DTHD1: variants seen among roughly 807,000 people sequenced by gnomAD.
The protein encoded by DTHD1 is death domain containing 1, also known as death domain-containing protein 1.
A neutral mutation model predicts 74.8 loss-of-function variants in DTHD1; 59 were observed. The observed-to-expected ratio is 0.79, with a 90% CI of 0.64 to 0.98. The LOEUF is 0.98. Among genes scored for constraint, DTHD1 ranks in the 50% least tolerant of loss-of-function variants. The pLI is 0.00. For synonymous variants in DTHD1, 365 were observed against 371.1 expected (o/e 0.98, Z 0.19); for missense variants, 1,051 against 1,065.4 (o/e 0.99, Z 0.19).
intron 9 of DTHD1, among the ~76,000 whole-genome samples, chr4:36,340,065 G>A (rs1434820723): frequency 6.6e-6 from 1 of 152,170 alleles, no homozygotes; most frequent in East Asian, 1.9e-4. Flanking sequence ...AAAGGTAGAA[G>A]GATCCTTCTT....
intron 8 of DTHD1, among the ~76,000 whole-genome samples, chr4:36,338,511 T>C (rs6824851): frequency 0.11 from 16,779 of 151,500 alleles, 2,131 homozygotes; most frequent in African/African-American, 0.31. Flanking sequence ...GCAATGCTAC[T>C]CAACCACTGG....
intron 2 of DTHD1, among the ~76,000 whole-genome samples, chr4:36,289,542 T>C (rs998994301): frequency 1.3e-5 from 2 of 152,174 alleles, no homozygotes; most frequent in South Asian, 2.1e-4. Flanking sequence ...TCAGTGTTTT[T>C]ATCTGTAAAA....
chr4:36,282,512 G>A (rs1170529072), intron 1 of DTHD1, among the ~76,000 whole-genome samples: 1 of 152,082 alleles, frequency 6.6e-6, no homozygotes, highest in African/African-American at 2.4e-5. Flanking sequence ...AAAATTACTG[G>A]GAAGACTGGA....
intron 7 of DTHD1, among the ~76,000 whole-genome samples, chr4:36,314,879 C>A (rs977349510): frequency 6.7e-6 from 1 of 148,930 alleles, no homozygotes; most frequent in Admixed American, 6.8e-5. Context: ...ATTATTTTAT[C>A]CAAATTTTCT....
chr4:36,335,181 A>G (rs888414430), intron 8 of DTHD1, among the ~76,000 whole-genome samples: 3 of 152,326 alleles, frequency 2.0e-5, no homozygotes, highest in South Asian at 2.1e-4. Context: ...GAAGGGGCGT[A>G]TCATTTAAAT....
chr4:36,314,747 GTTTTTT>G (rs747523259), intron 7 of DTHD1, among the ~76,000 whole-genome samples: 26 of 98,008 alleles, frequency 2.7e-4, no homozygotes, highest in Non-Finnish European at 3.6e-4. Context: ...AACAATCTGA[GTTTTTT>G]TTTTTTTTTT....
intron 5 of DTHD1, among the ~76,000 whole-genome samples, chr4:36,304,167 A>G (rs1006338434): frequency 1.3e-5 from 2 of 152,198 alleles, no homozygotes; most frequent in African/African-American, 2.4e-5. Flanking sequence ...GGTCTCCACA[A>G]ATACTTTAGG....
chr4:36,290,678 T>C lies in DTHD1; in HGVS notation c.1193T>C (p.Leu398Pro). Residue 398 changes from leucine to proline, a missense_variant, in exon 3 of 10, where the codon CTA becomes CCA. Leu to Pro is a moderately conservative substitution (Grantham distance 98). Transcript: ENST00000639862. Reference protein sequence around the residue: ...LQSSYLNPNSLEGMKGGYKGT... With the variant: ...LQSSYLNPNSPEGMKGGYKGT... ...TCAAGTTACCTAAACCCAAATTCAC[T>C]AGAAGGAATGAAGGGAGGTTATAAG... is the stretch of plus-strand genomic sequence containing the variant. 1 of 1,542,502 alleles carries C rather than the reference T, an allele frequency of 6.5e-7. No individual in the cohort carries two copies. Among genetic ancestry groups the C allele is most frequent in the African/African-American group, 1.4e-5 (1 of 73,122 alleles).
chr4:36,304,798 A>G (rs1225713363), intron 5 of DTHD1, among the ~76,000 whole-genome samples: 1 of 152,176 alleles, frequency 6.6e-6, no homozygotes, highest in Admixed American at 6.5e-5. Context: ...CTCTAGGACT[A>G]TGTGGATCCT....
In DTHD1 at chr4:36,343,610, T is replaced by C; in HGVS notation, c.2507T>C (p.Ile836Thr). 1 of 1,551,856 alleles carries C rather than the reference T, an allele frequency of 6.4e-7. No homozygotes were observed. Among genetic ancestry groups the C allele is most frequent in the Non-Finnish European group, 8.7e-7 (1 of 1,146,962 alleles). Residue 836 changes from isoleucine (I) to threonine (T), a missense_variant, in exon 10 of 10, where the codon ATC becomes ACC. Ile to Thr is a moderately conservative substitution (Grantham distance 89, BLOSUM62 -1). Coordinates refer to ENST00000639862, the MANE Select transcript of DTHD1 (RefSeq NM_001170700.3). ...LPLRRSTIQLIKLKNPDDLTE... is the reference protein window; with the variant it reads ...LPLRRSTIQLTKLKNPDDLTE... ...CTGCGCCGTAGCACCATTCAGCTCA[T>C]CAAACTCAAGAACCCTGATGATCTC...
At position 36,346,896 on chromosome 4, in the gene DTHD1, T is replaced by G. The variant is rs1759615871; in HGVS notation, c.*3072T>G. ...GTCTCTTCAAGTCTAAGGGTGGTAA[T>G]AGCTCTCTTGTTGTTTGGAGTAACT... On this transcript the variant is annotated 3_prime_UTR_variant, in exon 10 of 10. Coordinates refer to ENST00000639862, the MANE Select transcript of DTHD1 (RefSeq NM_001170700.3). Among the ~76,000 whole-genome samples, 1 of 152,108 alleles carries G rather than the reference T, an allele frequency of 6.6e-6. No individual in the cohort carries two copies. The highest frequency in any genetic ancestry group is 2.4e-5 in the African/African-American group (1 of 41,416).
chr4:36,284,731 C>T (rs1755604397), intron 2 of DTHD1, 140 bp downstream of exon 2: 1 of 744,080 alleles, frequency 1.3e-6, no homozygotes, highest in Non-Finnish European at 2.0e-6. Flanking sequence ...AGATATTTAT[C>T]TCTCACAGTT....
chr4:36,327,924 A>G (rs1421310063), intron 8 of DTHD1, among the ~76,000 whole-genome samples: 1 of 152,156 alleles, frequency 6.6e-6, no homozygotes, highest in African/African-American at 2.4e-5. Context: ...AGGGGCCTAA[A>G]GCTGTCTTCT....
Position 36,294,925 on chromosome 4 carries a change from C to CT in DTHD1, c.1532dup (p.Leu511PhefsTer10). On this transcript the variant is annotated frameshift_variant, in exon 5 of 10. Transcript: ENST00000639862. LOFTEE classifies it high-confidence loss of function. ...ACTTATCCTTTTCAGAAGCCAGTCA[C>CT]TTTGTTTTTACCTTGTTCTCCATAC... 8 of 1,551,910 alleles carry CT rather than the reference C, an allele frequency of 5.2e-6. No individual in the cohort carries two copies. The highest frequency in any genetic ancestry group is 7.0e-6 in the Non-Finnish European group (8 of 1,146,810).
At chr4:36,297,841 A>G (rs1246273159) in intron 5 of DTHD1, among the ~76,000 whole-genome samples, 1 of 152,122 alleles carries the variant, frequency 6.6e-6, no homozygotes, top group African/African-American at 2.4e-5. Flanking sequence ...GTGAAGAAAG[A>G]GAATTCTTGC....
intron 6 of DTHD1, among the ~76,000 whole-genome samples, chr4:36,307,207 T>C (rs553759949): frequency 6.6e-6 from 1 of 152,274 alleles, no homozygotes; most frequent in African/African-American, 2.4e-5. Flanking sequence ...TTAAGGCTGC[T>C]CTAACAATGT....
At position 36,309,342 on chromosome 4, in the gene DTHD1, G is replaced by A. The variant is rs182684396; in HGVS notation, c.2095+849G>A. On this transcript the variant is annotated intron_variant, in intron 7 of 9. Coordinates refer to ENST00000639862, the MANE Select transcript of DTHD1 (RefSeq NM_001170700.3). The stretch of plus-strand genomic sequence containing the variant: ...GTGGCAGGTGCCTGTAATCCCAGCC[G>A]CTGGGAGGCTGAGGCAGGAGAATCA... Among the ~76,000 whole-genome samples the A allele has an allele frequency of 5.9e-4, 89 of 152,064 alleles. 1 individual carries two copies. The East Asian group carries it at 0.015, about 26-fold the overall frequency.
At chr4:36,324,792 AG>A (rs1267592928) in intron 8 of DTHD1, among the ~76,000 whole-genome samples, 7 of 152,388 alleles carry the variant, frequency 4.6e-5, no homozygotes, top group Admixed American at 6.5e-5. Flanking sequence ...ACAACAATAC[AG>A]CAATAGCAAA....
At chr4:36,324,430 A>G (rs142215242) in intron 8 of DTHD1, among the ~76,000 whole-genome samples, 570 of 152,334 alleles carry the variant, frequency 3.7e-3, no homozygotes, top group African/African-American at 0.013. Flanking sequence ...GCCTATCTAA[A>G]TAAATTTGAT....
Sources: allele counts gnomAD v4.1 joint callset (sites outside exome capture counted in the v4.1 genomes callset), GRCh38; gene constraint gnomAD v4.1.1; transcripts MANE v1.5; gene names NCBI Gene and HGNC (gene_info 2026-07-23, HGNC 2026-07-21).